SBF2: variants seen among roughly 807,000 people sequenced by gnomAD.
SBF2 encodes the protein myotubularin-related protein 13.
A neutral mutation model predicts 225.2 loss-of-function variants in SBF2; 112 were observed. That is an observed-to-expected ratio of 0.50 (90% CI 0.43 to 0.58). The LOEUF (loss-of-function observed/expected upper bound fraction) is 0.58, where lower values mean the gene tolerates loss of function less well. SBF2 is among the 20% of genes least tolerant of loss of function. The probability of loss-of-function intolerance (pLI) is 0.00; values close to 1 mark genes in which losing one functional copy is unlikely to be tolerated. For synonymous variants in SBF2, 763 were observed against 773.3 expected, an observed-to-expected ratio of 0.99 and a Z score of 0.22; for missense variants, 1,996 against 2,206.2, an observed-to-expected ratio of 0.90 and a Z score of 1.91.
chr11:10,287,069 A>T (rs1278075791), intron 1 of SBF2, among the ~76,000 whole-genome samples: 1 of 152,262 alleles, frequency 6.6e-6, no homozygotes, highest in Non-Finnish European at 1.5e-5. Flanking sequence ...AACAACTGCC[A>T]ATAAATTCAA....
chr11:10,196,862 A>ATTTT (rs1208099879), intron 1 of SBF2, among the ~76,000 whole-genome samples: 44 of 22,022 alleles, frequency 2.0e-3, no homozygotes, highest in Non-Finnish European at 4.4e-3. Flanking sequence ...ATATATATAT[A>ATTTT]TATATTTTTT....
At chr11:10,091,481 TTAAGTATAATTCTG>T (rs1427333275) in intron 2 of SBF2, among the ~76,000 whole-genome samples, 1 of 152,158 alleles carries the variant, frequency 6.6e-6, no homozygotes, top group East Asian at 1.9e-4. Context: ...AAGTACATTA[TTAAGTATAATTCTG>T]TACATAAAGA....
chr11:9,978,578 CTTTTAAAGTGTCAA>C (rs1470753186), intron 13 of SBF2, among the ~76,000 whole-genome samples: 1 of 152,178 alleles, frequency 6.6e-6, no homozygotes, highest in Non-Finnish European at 1.5e-5. Context: ...ACGATGATCA[CTTTTAAAGTGTCAA>C]TTTTAAAGAA....
At chr11:10,138,506 A>G (rs980973076) in intron 2 of SBF2, among the ~76,000 whole-genome samples, 1 of 147,196 alleles carries the variant, frequency 6.8e-6, no homozygotes. Flanking sequence ...TGGCTTAACT[A>G]TTCTGAGCTT....
At chr11:9,959,746 T>C in intron 16 of SBF2, 4 of 677,592 alleles carry the variant, frequency 5.9e-6, no homozygotes, top group South Asian at 2.7e-5. Context: ...GTACACCTGC[T>C]TGACGCCTCT....
At chr11:9,967,099 C>G (rs1338511001) in intron 14 of SBF2, among the ~76,000 whole-genome samples, 1 of 152,184 alleles carries the variant, frequency 6.6e-6, no homozygotes, top group Non-Finnish European at 1.5e-5. Flanking sequence ...AGGCCTGGCA[C>G]AGAGGCTCAC....
At chr11:9,793,681 G>A (rs369280306) in intron 33 of SBF2, among the ~76,000 whole-genome samples, 37 of 152,144 alleles carry the variant, frequency 2.4e-4, no homozygotes, top group African/African-American at 7.9e-4. Context: ...GTGAACCACC[G>A]TGCCTGGCCT....
chr11:9,929,122 T>A, intron 16 of SBF2: 1 of 279,142 alleles, frequency 3.6e-6, no homozygotes, highest in East Asian at 1.0e-4. Flanking sequence ...GTGGGAGCAA[T>A]CATCAAAGCT....
intron 2 of SBF2, among the ~76,000 whole-genome samples, chr11:10,117,715 T>C (rs116819543): frequency 2.8e-4 from 43 of 151,698 alleles, no homozygotes; most frequent in African/African-American, 6.5e-4. Context: ...AAAGATATAT[T>C]TGAACTTGGG....
intron 2 of SBF2, among the ~76,000 whole-genome samples, chr11:10,079,542 A>T (rs1374917789): frequency 1.3e-5 from 2 of 152,206 alleles, no homozygotes; most frequent in African/African-American, 2.4e-5. Context: ...CAGTTAGACA[A>T]AAGTTTTTTA....
intron 2 of SBF2, among the ~76,000 whole-genome samples, chr11:10,049,354 C>T (rs1949981964): frequency 6.6e-6 from 1 of 152,038 alleles, no homozygotes; most frequent in African/African-American, 2.4e-5. Flanking sequence ...CGCCTGTAAC[C>T]CCAGCACTTT....
intron 12 of SBF2, among the ~76,000 whole-genome samples, chr11:9,990,964 A>G (rs7107916): frequency 0.27 from 40,730 of 151,954 alleles, 5,529 homozygotes; most frequent in Middle Eastern, 0.33. Flanking sequence ...AACTAATCTC[A>G]CTTTTTAGTT....
At chr11:10,182,633 A>C (rs1956780483) in intron 2 of SBF2, among the ~76,000 whole-genome samples, 1 of 152,050 alleles carries the variant, frequency 6.6e-6, no homozygotes, top group Non-Finnish European at 1.5e-5. Context: ...GGCTCACTGC[A>C]ATCTCTGCCT....
At chr11:10,055,524 TACACACACACACACACACACACACAC>T (rs3993326) in intron 2 of SBF2, among the ~76,000 whole-genome samples, 2 of 133,746 alleles carry the variant, frequency 1.5e-5, no homozygotes, top group Non-Finnish European at 3.2e-5. Context: ...AAGAAAATGA[TACACACACACACACACACACACACAC>T]ACACACACAC....
intron 1 of SBF2, among the ~76,000 whole-genome samples, chr11:10,264,995 G>C (rs528171619): frequency 6.6e-6 from 1 of 152,066 alleles, no homozygotes; most frequent in Non-Finnish European, 1.5e-5. Flanking sequence ...TGGACATCTG[G>C]GTGGGTTCCA....
chr11:10,183,506 C>T (rs1318331602), intron 2 of SBF2, among the ~76,000 whole-genome samples: 2 of 152,178 alleles, frequency 1.3e-5, no homozygotes, highest in Non-Finnish European at 1.5e-5. Context: ...AACTAAAGGT[C>T]TCAAAATCCT....
intron 17 of SBF2, among the ~76,000 whole-genome samples, chr11:9,891,059 C>T (rs1167145363): frequency 6.6e-6 from 1 of 151,966 alleles, no homozygotes; most frequent in Non-Finnish European, 1.5e-5. Context: ...TCGCTTGAAC[C>T]CAGGAGGTAG....
intron 16 of SBF2, among the ~76,000 whole-genome samples, chr11:9,939,240 C>A (rs1208450412): frequency 1.3e-5 from 2 of 152,098 alleles, no homozygotes; most frequent in South Asian, 4.1e-4. Context: ...GGATTACAGG[C>A]ACCTGCCACC....
At chr11:10,122,305 A>G (rs1953502991) in intron 2 of SBF2, among the ~76,000 whole-genome samples, 1 of 152,198 alleles carries the variant, frequency 6.6e-6, no homozygotes, top group Non-Finnish European at 1.5e-5. Flanking sequence ...TGGGTGGAAG[A>G]CAGGAATAAA....
Sources: gnomAD v4.1 joint callset for allele counts (sites outside exome capture counted in the v4.1 genomes callset) on GRCh38, gnomAD v4.1.1 for gene constraint, MANE v1.5 for transcripts, NCBI Gene and HGNC (gene_info 2026-07-23, HGNC 2026-07-21) for gene names.